ROCK1: variants seen among roughly 807,000 people sequenced by gnomAD.
ROCK1 encodes the protein Rho associated coiled-coil containing protein kinase 1, also known as rho-associated protein kinase 1.
Under a neutral mutation model 196.8 loss-of-function variants are expected in ROCK1, and 36 were observed. The observed-to-expected ratio is 0.18, with a 90% CI of 0.14 to 0.24. The LOEUF is 0.24. Ranked by LOEUF, ROCK1 falls within the 10% of genes least tolerant of loss-of-function variation. The pLI, the probability that ROCK1 is intolerant of heterozygous loss-of-function variation, is 1.00. For missense variants in ROCK1, 920 were observed against 1,562.0 expected, an observed-to-expected ratio of 0.59 and a Z score of 6.93; for synonymous variants, 443 against 515.9, an observed-to-expected ratio of 0.86 and a Z score of 1.91.
rs1488525193 is a variant in ROCK1 at position 20,959,076 on chromosome 18, A to T, written c.3512+764T>A. Among the ~76,000 whole-genome samples the T allele has an allele frequency of 5.8e-4, 23 of 39,450 alleles. 1 individual carries two copies. Among genetic ancestry groups the T allele is most frequent in the East Asian group, 8.3e-4 (1 of 1,200 alleles). The allele number at this position is 39,450 out of a possible 152,430, so 25.9% of individuals were successfully genotyped here. ...TATATATTATATTTTATATTATATA[A>T]TATATATATTTTATATAATATATAT... On this transcript the variant is annotated intron_variant, in intron 29 of 32. Coordinates refer to ENST00000399799, the MANE Select transcript of ROCK1 (RefSeq NM_005406.3).
intron 18 of ROCK1, among the ~76,000 whole-genome samples, chr18:20,987,510 T>C (rs191749696): frequency 2.8e-4 from 42 of 152,316 alleles, no homozygotes; most frequent in South Asian, 6.2e-4. Context: ...CCAGAAAAGG[T>C]TGAAGAGGCT....
intron 2 of ROCK1, among the ~76,000 whole-genome samples, chr18:21,061,398 A>T (rs1210614618): frequency 6.6e-6 from 1 of 152,192 alleles, no homozygotes; most frequent in Non-Finnish European, 1.5e-5. Flanking sequence ...ATTTTTGCTA[A>T]GTGAAAAAAA....
Position 20,959,853 on chromosome 18 carries a change from C to T in ROCK1, c.3499G>A (p.Val1167Ile). 1.9e-6 allele frequency: 3 copies of T among 1,605,794 alleles called. No homozygotes were observed. The highest frequency in any genetic ancestry group is 1.7e-6 in the Non-Finnish European group (2 of 1,174,444). The change falls in exon 29 of 33, where the codon GTA becomes ATA. Residue 1167 changes from valine (V) to isoleucine (I), a missense_variant. By Grantham distance (29) the Val-to-Ile change is conservative. This residue lies in a region of ROCK1 where 116 missense variants were observed against 204.2 expected (regional missense o/e 0.57). Transcript: ENST00000399799. Reference protein sequence around the residue: ...QDKEQSNPSMVLDIDKLFHVR... With the variant: ...QDKEQSNPSMILDIDKLFHVR... ...AAGGCAACTTACTCTATGTCCAATA[C>T]CATAGATGGATTGGATTGCTCCTTA...
intron 29 of ROCK1, among the ~76,000 whole-genome samples, chr18:20,958,761 C>T (rs1298908131): frequency 6.7e-6 from 1 of 148,680 alleles, no homozygotes; most frequent in Non-Finnish European, 1.5e-5. Flanking sequence ...GCTTTAAAAT[C>T]ATCTCTGTAT....
chr18:21,026,677 T>A (rs1055321992), intron 10 of ROCK1, among the ~76,000 whole-genome samples: 2 of 152,064 alleles, frequency 1.3e-5, no homozygotes, highest in African/African-American at 4.8e-5. Flanking sequence ...TGTCTTTTTG[T>A]TTTCTAAGAT....
At chr18:21,045,640 T>C (rs184166105) in intron 4 of ROCK1, among the ~76,000 whole-genome samples, 173 bp from the exon 5 acceptor site, 3 of 152,332 alleles carry the variant, frequency 2.0e-5, no homozygotes, top group East Asian at 3.9e-4. Context: ...GACCCTTGTA[T>C]ATGCAAAATG....
intron 21 of ROCK1, among the ~76,000 whole-genome samples, chr18:20,980,687 C>A (rs778945163): frequency 1.3e-5 from 2 of 151,898 alleles, no homozygotes; most frequent in African/African-American, 2.4e-5. Flanking sequence ...GAGGCCAAGG[C>A]GGGCAGATCA....
intron 1 of ROCK1, among the ~76,000 whole-genome samples, chr18:21,079,776 G>A (rs1436116956): frequency 1.3e-5 from 2 of 152,170 alleles, no homozygotes. Flanking sequence ...TTGTCTCGCA[G>A]AGCAAAGAAA....
chr18:20,961,664 G>A (rs2035327742), intron 27 of ROCK1, among the ~76,000 whole-genome samples: 1 of 151,984 alleles, frequency 6.6e-6, no homozygotes, highest in Non-Finnish European at 1.5e-5. Context: ...TGAATTGTGG[G>A]AAATATTTTT....
chr18:20,997,196 A>G (rs1234369133), intron 16 of ROCK1, among the ~76,000 whole-genome samples: 2 of 152,202 alleles, frequency 1.3e-5, no homozygotes, highest in African/African-American at 4.8e-5. Flanking sequence ...AAAAACAAAA[A>G]AACAGAACCC....
intron 16 of ROCK1, among the ~76,000 whole-genome samples, chr18:21,003,612 T>C (rs904629778): frequency 6.6e-6 from 1 of 152,088 alleles, no homozygotes; most frequent in Non-Finnish European, 1.5e-5. Context: ...AATAATTCAG[T>C]GTCAGAGGAT....
At chr18:21,071,260 C>T (rs1401803397) in intron 1 of ROCK1, among the ~76,000 whole-genome samples, 1 of 150,422 alleles carries the variant, frequency 6.6e-6, no homozygotes, top group African/African-American at 2.5e-5. Flanking sequence ...CTCAATGCAA[C>T]CTCCACCTCC....
chr18:20,959,105 A>ATATAATATATATAATAT (rs2035292894), intron 29 of ROCK1, among the ~76,000 whole-genome samples: 1 of 33,924 alleles, frequency 2.9e-5, no homozygotes, highest in African/African-American at 2.3e-4. Flanking sequence ...TATATATATT[A>ATATAATATATATAATAT]TATATATATT....
chr18:21,021,698 T>G (rs1306944954), intron 11 of ROCK1, among the ~76,000 whole-genome samples: 1 of 152,186 alleles, frequency 6.6e-6, no homozygotes, highest in African/African-American at 2.4e-5. Flanking sequence ...CCCCCTGATA[T>G]TATTAGAGCA....
chr18:20,980,689 G>A (rs1484916924), intron 21 of ROCK1, among the ~76,000 whole-genome samples: 4 of 152,034 alleles, frequency 2.6e-5, no homozygotes, highest in Non-Finnish European at 4.4e-5. Context: ...GGCCAAGGCG[G>A]GCAGATCACA....
At chr18:20,998,437 T>A (rs1216112974) in intron 16 of ROCK1, among the ~76,000 whole-genome samples, 1 of 151,564 alleles carries the variant, frequency 6.6e-6, no homozygotes, top group Non-Finnish European at 1.5e-5. Flanking sequence ...AGAAAATAAA[T>A]AATAAAGATC....
intron 2 of ROCK1, among the ~76,000 whole-genome samples, chr18:21,055,366 AC>A (rs1438770129): frequency 6.6e-6 from 1 of 151,878 alleles, no homozygotes; most frequent in African/African-American, 2.4e-5. Flanking sequence ...TTCTTCACAC[AC>A]ACCTCCCACA....
chr18:21,001,637 T>C (rs1180164068), intron 16 of ROCK1, among the ~76,000 whole-genome samples: 1 of 151,754 alleles, frequency 6.6e-6, no homozygotes, highest in Non-Finnish European at 1.5e-5. Context: ...TGGTGGCGCA[T>C]GCCTGTAGTC....
chr18:21,016,154 T>C (rs1488999262), intron 12 of ROCK1, among the ~76,000 whole-genome samples: 1 of 152,190 alleles, frequency 6.6e-6, no homozygotes, highest in African/African-American at 2.4e-5. Context: ...GTAACAACTG[T>C]AATAAGAAAA....
Sources: allele counts gnomAD v4.1 joint callset (sites outside exome capture counted in the v4.1 genomes callset), GRCh38; gene constraint gnomAD v4.1.1; regional missense constraint gnomAD v4.1.1; transcripts MANE v1.5; gene names NCBI Gene and HGNC (gene_info 2026-07-23, HGNC 2026-07-21).